The following DMD variants were observed in gnomAD, a reference collection of about 807,000 sequenced individuals.
The protein encoded by DMD is mutant dystrophin.
Under a neutral mutation model 330.1 loss-of-function variants are expected in DMD, and 63 were observed. The ratio of observed to expected loss-of-function variants is 0.19; its 90% CI spans 0.16 to 0.24. The LOEUF (loss-of-function observed/expected upper bound fraction) is 0.24, where lower values mean the gene tolerates loss of function less well. DMD is among the 10% of genes least tolerant of loss of function. The pLI, the probability that DMD is intolerant of heterozygous loss-of-function variation, is 1.00. For missense variants in DMD, 3,344 were observed against 2,684.1 expected, an observed-to-expected ratio of 1.25 and a Z score of -5.43; for synonymous variants, 1,223 against 959.8, an observed-to-expected ratio of 1.27 and a Z score of -5.07.
intron 59 of DMD, among the ~76,000 whole-genome samples, chrX:31,445,961 T>C (rs1205842451): frequency 8.9e-6 from 1 of 112,224 alleles, no homozygotes; most frequent in Non-Finnish European, 1.9e-5. Context: ...ACAGCACCAC[T>C]TGACTATACG....
intron 52 of DMD, among the ~76,000 whole-genome samples, chrX:31,690,424 A>G (rs756908493): frequency 1.2e-4 from 13 of 112,097 alleles, no homozygotes; most frequent in African/African-American, 4.2e-4. Context: ...ATGAGATACC[A>G]TCTCACACCA....
At chrX:32,399,987 A>C (rs1487369535) in intron 30 of DMD, among the ~76,000 whole-genome samples, 1 of 111,228 alleles carries the variant, frequency 9.0e-6, no homozygotes. Flanking sequence ...AGAACTTCCA[A>C]CACTATGTTG....
intron 37 of DMD, among the ~76,000 whole-genome samples, chrX:32,354,771 G>T (rs982842639): frequency 2.7e-5 from 3 of 111,305 alleles, no homozygotes; most frequent in African/African-American, 9.7e-5. Context: ...ATATTACCCA[G>T]TAGATTTCAA....
intron 2 of DMD, among the ~76,000 whole-genome samples, chrX:32,954,510 G>T (rs1476016179): frequency 8.9e-6 from 1 of 111,840 alleles, no homozygotes; most frequent in African/African-American, 3.3e-5. Flanking sequence ...CCAGTTCCTA[G>T]TTTGTCCACC....
At chrX:32,957,109 C>T (rs2091639350) in intron 2 of DMD, among the ~76,000 whole-genome samples, 1 of 111,422 alleles carries the variant, frequency 9.0e-6, no homozygotes, top group Non-Finnish European at 1.9e-5. Flanking sequence ...CTGAACAGTA[C>T]AGATTTGGTC....
chrX:32,443,017 T>C (rs2098288433), intron 27 of DMD, among the ~76,000 whole-genome samples: 1 of 110,812 alleles, frequency 9.0e-6, no homozygotes, highest in South Asian at 3.7e-4. Context: ...ATTATGTCTA[T>C]TGGGGAAAAG....
At chrX:32,035,574 T>A (rs779915854) in intron 44 of DMD, 1 of 306,298 alleles carries the variant, frequency 3.3e-6, no homozygotes, top group East Asian at 1.0e-4. Context: ...ATAGCAGAAA[T>A]ACAGGCTTCT....
intron 1 of DMD, among the ~76,000 whole-genome samples, chrX:33,238,470 C>T (rs751146354): frequency 3.8e-4 from 42 of 111,088 alleles, no homozygotes; most frequent in Admixed American, 5.8e-4. Flanking sequence ...TTGTGGATTC[C>T]TTATACAGCA....
rs2093211139 is a variant in DMD at position 31,836,888 on chromosome X, T to C, written c.7099-69A>G. The C allele has an allele frequency of 1.4e-5, 13 of 925,196 alleles. No individual in the cohort carries two copies. In the Admixed American group the frequency reaches 2.9e-4, roughly 21 times the overall value. 76.2% of individuals were successfully genotyped at this position (925,196 alleles called of 1,213,427 possible). On this transcript the variant is annotated intron_variant, in intron 48 of 78. Coordinates refer to ENST00000357033, the MANE Select transcript of DMD (RefSeq NM_004006.3). ...GCAATAAAATTACTAAATTTAAATA[T>C]ACCCTTGGAGACTCCACATGTATTG...
chrX:32,916,330 A>C (rs1243836543), intron 2 of DMD, among the ~76,000 whole-genome samples: 2 of 111,598 alleles, frequency 1.8e-5, no homozygotes, highest in African/African-American at 3.3e-5. Flanking sequence ...AATATTTTCT[A>C]CTCTAAATTG....
chrX:32,404,254 T>C (rs1196191123), intron 30 of DMD, among the ~76,000 whole-genome samples: 2 of 111,727 alleles, frequency 1.8e-5, no homozygotes, highest in Admixed American at 9.6e-5. Context: ...CTTTTCTAAA[T>C]TGTACTCACA....
intron 1 of DMD, among the ~76,000 whole-genome samples, chrX:33,081,753 A>T (rs2094933421): frequency 8.9e-6 from 1 of 111,971 alleles, no homozygotes; most frequent in South Asian, 3.7e-4. Context: ...CAAAGAGTCA[A>T]GTATCCCTGT....
Position 32,029,280 on chromosome X carries a change from A to G in DMD, c.6439-60766T>C, listed in dbSNP as rs145704574. ...CTGACCGACCTCATGCAAAAATATT[A>G]AAGAATACTTATTGAATAAATCAAT... is the stretch of plus-strand genomic sequence containing the variant. On this transcript the variant is annotated intron_variant, in intron 44 of 78. Coordinates refer to ENST00000357033, the MANE Select transcript of DMD (RefSeq NM_004006.3). Among the ~76,000 whole-genome samples, 724 of 111,944 alleles carry G rather than the reference A, an allele frequency of 6.5e-3. 7 individuals carry two copies. The highest frequency in any genetic ancestry group is 0.023 in the African/African-American group (698 of 30,824).
At chrX:32,177,244 C>T (rs1432790657) in intron 44 of DMD, among the ~76,000 whole-genome samples, 2 of 111,799 alleles carry the variant, frequency 1.8e-5, no homozygotes, top group Non-Finnish European at 3.8e-5. Context: ...CACACTTCAG[C>T]GAAAGAAGTC....
chrX:31,872,455 G>A (rs764760409), intron 48 of DMD, among the ~76,000 whole-genome samples: 2 of 111,652 alleles, frequency 1.8e-5, no homozygotes, highest in Non-Finnish European at 1.9e-5. Context: ...ACCATTCCGG[G>A]GGGCACAGAC....
At chrX:31,323,447 G>A (rs72466560) in intron 62 of DMD, 151 bp downstream of exon 62, 1 of 530,787 alleles carries the variant, frequency 1.9e-6, no homozygotes, top group East Asian at 3.7e-5. Context: ...GGTAATTTTA[G>A]AATAAGTTTT....
chrX:32,014,429 C>G (rs776112431), intron 44 of DMD, among the ~76,000 whole-genome samples: 1 of 111,255 alleles, frequency 9.0e-6, no homozygotes, highest in Non-Finnish European at 1.9e-5. Flanking sequence ...AAATTGACCC[C>G]TTGGGCCTCG....
chrX:31,430,711 C>T (rs1199308410), intron 60 of DMD, among the ~76,000 whole-genome samples: 2 of 110,304 alleles, frequency 1.8e-5, no homozygotes, highest in Non-Finnish European at 1.9e-5. Context: ...CTTTACTGCC[C>T]CTACAGTTTA....
intron 63 of DMD, among the ~76,000 whole-genome samples, chrX:31,229,635 T>C (rs759341452): frequency 1.9e-4 from 21 of 111,875 alleles, no homozygotes; most frequent in Non-Finnish European, 3.9e-4. Flanking sequence ...TTAGAGCACA[T>C]ATGCTTTTGG....
Sources: allele counts gnomAD v4.1 joint callset (sites outside exome capture counted in the v4.1 genomes callset), GRCh38; gene constraint gnomAD v4.1.1; transcripts MANE v1.5; gene names NCBI Gene and HGNC (gene_info 2026-07-23, HGNC 2026-07-21).